Variants in CPLX3 observed in about 807,000 individuals in gnomAD.
CPLX3 encodes the protein complexin-3.
Under a neutral mutation model 17.2 loss-of-function variants are expected in CPLX3, and 12 were observed. The ratio of observed to expected loss-of-function variants is 0.70; its 90% CI spans 0.45 to 1.13. CPLX3 has a LOEUF of 1.13. Among genes scored for constraint, CPLX3 ranks in the 50% most tolerant of loss-of-function variants. CPLX3 has a pLI of 0.00. For synonymous variants in CPLX3, 75 were observed against 79.4 expected (o/e 0.94, Z 0.29); for missense variants, 172 against 203.2 (o/e 0.85, Z 0.93).
intron 2 of CPLX3, 54 bp downstream of exon 2, chr15:74,828,175 G>T: frequency 6.9e-7 from 1 of 1,446,852 alleles, no homozygotes; most frequent in South Asian, 1.2e-5. Context: ...CTGGGTTCTG[G>T]ACTCCTTCGC....
Position 74,830,438 on chromosome 15 carries a change from G to A in CPLX3, c.*84G>A. On this transcript the variant is annotated 3_prime_UTR_variant, in exon 3 of 3. Transcript: ENST00000395018. ...CTTCCAGGGACCCATACTCCATTTG[G>A]GGCTTTGTTTCCCTTGCCCCATCCT... 8.6e-7 allele frequency: 1 copy of A among 1,166,634 alleles called. No homozygotes were observed. Among genetic ancestry groups the A allele is most frequent in the Non-Finnish European group, 1.2e-6 (1 of 812,234 alleles). The allele number at this position is 1,166,634 out of a possible 1,614,324, so 72.3% of individuals were successfully genotyped here.
chr15:74,830,380 G>A lies in CPLX3; in HGVS notation c.*26G>A. On this transcript the variant is annotated 3_prime_UTR_variant, in exon 3 of 3. Coordinates refer to ENST00000395018, the MANE Select transcript of CPLX3 (RefSeq NM_001030005.3). ...CCACTTCCCCGGGGTTACCCACTGG[G>A]CTGGGCCCCCATGAGGGCTAAGAGT... The A allele has an allele frequency of 6.3e-7, 1 of 1,589,262 alleles. No homozygotes were observed. The highest frequency in any genetic ancestry group is 8.6e-7 in the Non-Finnish European group (1 of 1,164,148).
intron 2 of CPLX3, 36 bp downstream of exon 2, chr15:74,828,157 C>T (rs2141120353): frequency 6.5e-7 from 1 of 1,531,242 alleles, no homozygotes; most frequent in Non-Finnish European, 8.9e-7. Flanking sequence ...CATCTGGGAC[C>T]CTGAGCTCTG....
rs772959397 is a variant in CPLX3, at chr15:74,828,016, C to A, written c.165-18C>A. ...TCTCTCAGCCCTCGTGGTGACTCTG[C>A]CTCCGGTGACCCTGCAGGATGGAGC... On this transcript the variant is annotated intron_variant, in intron 1 of 2. Transcript: ENST00000395018. 2 of 1,589,730 alleles carry A rather than the reference C, an allele frequency of 1.3e-6. No individual in the cohort carries two copies. The highest frequency in any genetic ancestry group is 1.1e-5 in the South Asian group (1 of 87,546).
rs774431843 is a variant in CPLX3, at chr15:74,830,117, C to CTCTTCCCT, written c.253-10_253-3dup. The CTCTTCCCT allele has an allele frequency of 6.2e-7, 1 of 1,611,338 alleles. No homozygotes were observed. The highest frequency in any genetic ancestry group is 8.5e-7 in the Non-Finnish European group (1 of 1,178,018). Reference sequence around the variant, plus strand: ...CCACTCCACCCCACCCCCTCTTCCCCTCTTCCCTTCAGAACGAGACAGATG... The same window carrying CTCTTCCCT: ...CCACTCCACCCCACCCCCTCTTCCCCTCTTCCCTTCTTCCCTTCAGAACGAGACAGATG... On this transcript the variant is annotated splice_polypyrimidine_tract_variant and intron_variant, in intron 2 of 2. Transcript: ENST00000395018.
At position 74,830,712 on chromosome 15, in the gene CPLX3, G is replaced by A. The variant is rs2063965287; in HGVS notation, c.*358G>A. ...ACCCCTGGCACGTTCAGAGACAGAAGCCACAGATACATCCCGGCACAGACA... is the reference window on the plus strand; with the variant it reads ...ACCCCTGGCACGTTCAGAGACAGAAACCACAGATACATCCCGGCACAGACA... On this transcript the variant is annotated 3_prime_UTR_variant, in exon 3 of 3. Coordinates refer to ENST00000395018, the MANE Select transcript of CPLX3 (RefSeq NM_001030005.3). The A allele has an allele frequency of 4.6e-6, 1 of 215,812 alleles. No individual in the cohort carries two copies. Among genetic ancestry groups the A allele is most frequent in the Admixed American group, 5.3e-5 (1 of 19,036 alleles). 13.4% of individuals were successfully genotyped at this position (215,812 alleles called of 1,614,324 possible).
intron 2 of CPLX3, among the ~76,000 whole-genome samples, chr15:74,828,954 C>G (rs528061471): frequency 1.4e-4 from 22 of 152,336 alleles, no homozygotes; most frequent in African/African-American, 5.1e-4. Flanking sequence ...GAATATCACC[C>G]TAGTGCATCC....
At chr15:74,827,392 C>T (rs2063948751) in intron 1 of CPLX3, among the ~76,000 whole-genome samples, 1 of 152,228 alleles carries the variant, frequency 6.6e-6, no homozygotes, top group South Asian at 2.1e-4. Flanking sequence ...TGCCTATTAG[C>T]TGGATAACTT....
rs1408380969 is a variant in CPLX3, at chr15:74,830,785, C to T, written c.*431C>T. 2 of 164,744 alleles carry T rather than the reference C, an allele frequency of 1.2e-5. No homozygotes were observed. The highest frequency in any genetic ancestry group is 1.7e-4 in the East Asian group (1 of 5,720). The allele number at this position is 164,744 out of a possible 1,614,324, so 10.2% of individuals were successfully genotyped here. A position where few individuals can be genotyped will look rare whatever the true frequency, so the allele number is the denominator to read the frequency against. On this transcript the variant is annotated 3_prime_UTR_variant, in exon 3 of 3. Coordinates refer to ENST00000395018, the MANE Select transcript of CPLX3 (RefSeq NM_001030005.3). The stretch of plus-strand genomic sequence containing the variant: ...TTGCGTGTCCAGCCCCTCCAGACAC[C>T]ACCACTCAGAAACTCTGAGAGAGAG...
intron 2 of CPLX3, among the ~76,000 whole-genome samples, chr15:74,829,027 C>A (rs1467535413): frequency 6.6e-6 from 1 of 152,178 alleles, no homozygotes; most frequent in East Asian, 1.9e-4. Flanking sequence ...TTTGATCTTC[C>A]ACTTGAATTG....
chr15:74,828,222 C>T lies in CPLX3; in HGVS notation c.252+101C>T, dbSNP rs968087135. 4.6e-6 allele frequency: 4 copies of T among 867,148 alleles called. No individual in the cohort carries two copies. The African/African-American group carries it at 5.0e-5, about 11-fold the overall frequency. The allele number at this position is 867,148 out of a possible 1,614,324, so 53.7% of individuals were successfully genotyped here. A position where few individuals can be genotyped will look rare whatever the true frequency, so the allele number is the denominator to read the frequency against. On this transcript the variant is annotated intron_variant, in intron 2 of 2. Transcript: ENST00000395018. ...CACCACAGCCCTCAGCTATGAGACT[C>T]ACAGGGTATTTGGTTAGATCCTTCC...
chr15:74,826,998 A>T lies in CPLX3; in HGVS notation c.164+131A>T, dbSNP rs187894965. On this transcript the variant is annotated intron_variant, in intron 1 of 2. Transcript: ENST00000395018. This position sits in a 1 kb window ranked among gnomAD's most constrained non-coding sequence, Gnocchi z 5.0. ...TTCCTAGACACGGTAAGAGACCGGG[A>T]GGTGTCCTCTACACTGCCCCCAGAC... 3 of 803,536 alleles carry T rather than the reference A, an allele frequency of 3.7e-6. No homozygotes were observed. The highest frequency in any genetic ancestry group is 5.8e-6 in the Non-Finnish European group (3 of 519,138). 49.8% of individuals were successfully genotyped at this position (803,536 alleles called of 1,614,324 possible).
At chr15:74,828,192 C>A (rs541386082) in intron 2 of CPLX3, 71 bp downstream of exon 2, 3 of 1,177,258 alleles carry the variant, frequency 2.5e-6, no homozygotes, top group Non-Finnish European at 3.7e-6. Flanking sequence ...TCGCCCCATT[C>A]TGGGCACCAC....
At chr15:74,829,083 T>A (rs1201109060) in intron 2 of CPLX3, among the ~76,000 whole-genome samples, 2 of 152,120 alleles carry the variant, frequency 1.3e-5, no homozygotes, top group South Asian at 4.2e-4. Context: ...CAACAAATAT[T>A]TACTGAGTCC....
In CPLX3 at chr15:74,828,130, G is replaced by A. The variant is rs1000166146; in HGVS notation, c.252+9G>A. ...AATACCGGCTACCCAAGGTAAGCTG[G>A]CCCCGGCTGTGAGGCACATCTGGGA... On this transcript the variant is annotated intron_variant, in intron 2 of 2. Coordinates refer to ENST00000395018, the MANE Select transcript of CPLX3 (RefSeq NM_001030005.3). The A allele has an allele frequency of 3.8e-6, 6 of 1,572,168 alleles. No individual in the cohort carries two copies. The highest frequency in any genetic ancestry group is 1.7e-4 in the Middle Eastern group (1 of 6,028).
intron 1 of CPLX3, 32 bp from the exon 2 acceptor site, chr15:74,828,002 T>C: frequency 6.4e-7 from 1 of 1,563,722 alleles, no homozygotes; most frequent in Non-Finnish European, 8.7e-7. Context: ...CTCTCAGCCC[T>C]CGTGGTGACT....
At chr15:74,827,765 C>A (rs2063950200) in intron 1 of CPLX3, among the ~76,000 whole-genome samples, 1 of 152,190 alleles carries the variant, frequency 6.6e-6, no homozygotes, top group Non-Finnish European at 1.5e-5. Context: ...AGTTGGAGGC[C>A]ATGAGGGACA....
In CPLX3 at chr15:74,830,995, G is replaced by A. The variant is rs1344589499; in HGVS notation, c.*641G>A. 6.5e-6 allele frequency: 1 copy of A among 152,728 alleles called. No homozygotes were observed. The highest frequency in any genetic ancestry group is 1.9e-4 in the East Asian group (1 of 5,196). 9.5% of individuals were successfully genotyped at this position (152,728 alleles called of 1,614,324 possible). A position where few individuals can be genotyped will look rare whatever the true frequency, so the allele number is the denominator to read the frequency against. On this transcript the variant is annotated 3_prime_UTR_variant, in exon 3 of 3. Coordinates refer to ENST00000395018, the MANE Select transcript of CPLX3 (RefSeq NM_001030005.3). ...CAAGCCCACATCCCTCCTTGGGCAG[G>A]GCAGCAGCTGCTGCCACAGCCTCCA...
intron 2 of CPLX3, among the ~76,000 whole-genome samples, chr15:74,829,234 GAC>G (rs2063957432): frequency 6.6e-6 from 1 of 152,084 alleles, no homozygotes; most frequent in South Asian, 2.1e-4. Context: ...GCATATAAGA[GAC>G]ACCTGCCATC....
Sources: allele counts gnomAD v4.1 joint callset (sites outside exome capture counted in the v4.1 genomes callset), GRCh38; gene constraint gnomAD v4.1.1; non-coding constraint Gnocchi (gnomAD v3.1); transcripts MANE v1.5; gene names NCBI Gene and HGNC (gene_info 2026-07-23, HGNC 2026-07-21).